GCH1: variants seen among roughly 807,000 people sequenced by gnomAD.
GCH1 encodes the protein GTP cyclohydrolase I.
Under a neutral mutation model 25.9 loss-of-function variants are expected in GCH1, and 5 were observed. That is an observed-to-expected ratio of 0.19 (90% CI 0.10 to 0.41). GCH1 has a LOEUF of 0.41. GCH1 is among the 10% of genes least tolerant of loss of function. The pLI is 1.00. For missense variants in GCH1, 261 were observed against 336.5 expected (o/e 0.78, Z 1.75); for synonymous variants, 159 against 129.6 (o/e 1.23, Z -1.54).
rs1267339245 is a variant in GCH1, at chr14:54,901,256, T to C, written c.343+1065A>G. On this transcript the variant is annotated intron_variant, in intron 1 of 5. Transcript: ENST00000491895. The stretch of plus-strand genomic sequence containing the variant: ...GCACTGTTTTTCTTTCAAAAAACAG[T>C]GAACGGTAGAATGCTTCTTAGGGCA... Among the ~76,000 whole-genome samples the C allele has an allele frequency of 2.6e-5, 4 of 152,140 alleles. No individual in the cohort carries two copies. The East Asian group carries it at 7.7e-4, about 29-fold the overall frequency.
intron 3 of GCH1, among the ~76,000 whole-genome samples, chr14:54,858,260 T>C (rs1253139477): frequency 1.3e-5 from 2 of 152,096 alleles, no homozygotes; most frequent in African/African-American, 2.4e-5. Flanking sequence ...AGTCAACTGG[T>C]CACAGAGACT....
chr14:54,891,496 G>A (rs555619287), intron 1 of GCH1, among the ~76,000 whole-genome samples: 2 of 143,130 alleles, frequency 1.4e-5, no homozygotes, highest in South Asian at 2.3e-4. Context: ...TGCAACCTCC[G>A]CCTCCCGGGT....
Position 54,843,117 on chromosome 14 carries a change from A to G in GCH1, c.*900T>C. ...ACTTAGAAAAATATCTTATAAGATT[A>G]AAAAAAAGAAGAAGAAGAAACATTT... On this transcript the variant is annotated 3_prime_UTR_variant, in exon 6 of 6. Transcript: ENST00000491895. 1 of 1,463,728 alleles carries G rather than the reference A, an allele frequency of 6.8e-7. No homozygotes were observed. The highest frequency in any genetic ancestry group is 1.2e-5 in the South Asian group (1 of 80,532). The allele number at this position is 1,463,728 out of a possible 1,614,324, so 90.7% of individuals were successfully genotyped here.
chr14:54,889,808 T>C (rs902498763), intron 1 of GCH1, among the ~76,000 whole-genome samples: 2 of 151,916 alleles, frequency 1.3e-5, no homozygotes, highest in African/African-American at 2.4e-5. Context: ...TGAGACAGAG[T>C]GGTTTCTCAG....
intron 1 of GCH1, among the ~76,000 whole-genome samples, chr14:54,875,899 G>C (rs919051640): frequency 2.0e-5 from 3 of 152,176 alleles, no homozygotes; most frequent in Admixed American, 1.3e-4. Flanking sequence ...ACTGTTAGTG[G>C]GACTGTAAAC....
chr14:54,855,505 C>CAAAAAAAAAAAAAAAAAAA (rs764999718), intron 3 of GCH1, among the ~76,000 whole-genome samples: 13 of 36,418 alleles, frequency 3.6e-4, no homozygotes, highest in African/African-American at 1.9e-3. Flanking sequence ...GACCCTGTCT[C>CAAAAAAAAAAAAAAAAAAA]AAAAAAAAAA....
rs199836777 is a variant in GCH1 at position 54,845,812 on chromosome 14, C to T, written c.582G>A (p.Thr194=). Residue 194 remains threonine, a synonymous_variant, in exon 5 of 6, where the codon ACG becomes ACA. Coordinates refer to ENST00000491895, the MANE Select transcript of GCH1 (RefSeq NM_000161.3). ...RLTKQIAVAI[T]EALRPAGVGV... ...CGACTCCAGCAGGCCGCAAGGCTTCCGTGATTGCTACAGCAATTTGTTTTG... is the reference window on the plus strand; with the variant it reads ...CGACTCCAGCAGGCCGCAAGGCTTCTGTGATTGCTACAGCAATTTGTTTTG... 88 of 1,611,122 alleles carry T rather than the reference C, an allele frequency of 5.5e-5. No homozygotes were observed. The highest frequency in any genetic ancestry group is 3.0e-4 in the Admixed American group (18 of 60,024).
chr14:54,885,911 CA>C (rs1015405707), intron 1 of GCH1: 78 of 186,472 alleles, frequency 4.2e-4, no homozygotes, highest in South Asian at 1.3e-3. Flanking sequence ...ACAACAACAA[CA>C]AAAAAAAACG....
At chr14:54,866,740 C>T (rs929803257) in intron 1 of GCH1, among the ~76,000 whole-genome samples, 1 of 152,098 alleles carries the variant, frequency 6.6e-6, no homozygotes, top group African/African-American at 2.4e-5. Context: ...GAGACCAAGT[C>T]ATCACGTAAA....
chr14:54,865,301 C>T, intron 2 of GCH1, 26 bp downstream of exon 2: 1 of 1,095,708 alleles, frequency 9.1e-7, no homozygotes, highest in Non-Finnish European at 1.4e-6. Context: ...TTTTAAATTG[C>T]TGGGAAACAA....
In GCH1 at chr14:54,845,902, G is replaced by A. The variant is rs146366914; in HGVS notation, c.542-50C>T. ...TTTGAGAGTCTGACACAAACAGCTGGAAGCTTTTTCTGTCTCTAGAACATT... is the reference window on the plus strand; with the variant it reads ...TTTGAGAGTCTGACACAAACAGCTGAAAGCTTTTTCTGTCTCTAGAACATT... On this transcript the variant is annotated intron_variant, in intron 4 of 5. Coordinates refer to ENST00000491895, the MANE Select transcript of GCH1 (RefSeq NM_000161.3). The A allele has an allele frequency of 1.3e-4, 129 of 996,702 alleles. 1 individual carries two copies. Among genetic ancestry groups the A allele is most frequent in the Admixed American group, 1.2e-3 (69 of 59,266 alleles). 61.7% of individuals were successfully genotyped at this position (996,702 alleles called of 1,614,324 possible). A position where few individuals can be genotyped will look rare whatever the true frequency, so the allele number is the denominator to read the frequency against.
chr14:54,887,566 G>A (rs1427765789), intron 1 of GCH1, among the ~76,000 whole-genome samples: 2 of 152,208 alleles, frequency 1.3e-5, no homozygotes, highest in African/African-American at 4.8e-5. Flanking sequence ...TATGGACCTT[G>A]AGTGGATCCT....
In GCH1 at chr14:54,902,329, G is replaced by T. The variant is rs747691325; in HGVS notation, c.335C>A (p.Thr112Asn). 1 of 1,612,522 alleles carries T rather than the reference G, an allele frequency of 6.2e-7. No homozygotes were observed. The highest frequency in any genetic ancestry group is 1.3e-5 in the African/African-American group (1 of 75,036). ...CCCGCGGGCGCACTGACCTGAGATG[G>T]TCTCCTGGTAGCCCTTGGTGAAGAA... The part of the protein sequence containing the change: ...MQFFTKGYQE[T>N]ISDVLNDAIF... The change falls in exon 1 of 6, where the codon ACC (threonine) becomes AAC (asparagine). Residue 112 changes from threonine to asparagine, a missense_variant. Physicochemically the swap from Thr to Asn is moderately conservative, Grantham distance 65. This residue lies in a region of GCH1 where 130 missense variants were observed against 184.1 expected (regional missense o/e 0.71). Transcript: ENST00000491895.
intron 1 of GCH1, among the ~76,000 whole-genome samples, chr14:54,873,069 C>T (rs2040104624): frequency 6.6e-6 from 1 of 152,016 alleles, no homozygotes; most frequent in Admixed American, 6.5e-5. Flanking sequence ...AGCACCACAT[C>T]ACACTTATTC....
intron 2 of GCH1, among the ~76,000 whole-genome samples, chr14:54,861,717 G>T (rs2039899485): frequency 8.2e-6 from 1 of 121,678 alleles, no homozygotes; most frequent in Admixed American, 8.2e-5. Flanking sequence ...GAGCGAAACT[G>T]TCTCAAAAAA....
chr14:54,867,595 A>AAAAAAAAG (rs2040007130), intron 1 of GCH1, among the ~76,000 whole-genome samples: 1 of 148,864 alleles, frequency 6.7e-6, no homozygotes, highest in African/African-American at 2.5e-5. Context: ...GTCTCAAAAA[A>AAAAAAAAG]AAAAAAAAAA....
At chr14:54,862,928 T>C (rs1415678488) in intron 2 of GCH1, among the ~76,000 whole-genome samples, 1 of 152,116 alleles carries the variant, frequency 6.6e-6, no homozygotes, top group Non-Finnish European at 1.5e-5. Context: ...GGGAGCACTA[T>C]TTTAGAACAA....
At chr14:54,898,939 T>G (rs946127383) in intron 1 of GCH1, among the ~76,000 whole-genome samples, 1 of 152,152 alleles carries the variant, frequency 6.6e-6, no homozygotes, top group African/African-American at 2.4e-5. Flanking sequence ...TTCTTAATTT[T>G]TAAATTTTGT....
chr14:54,853,512 C>T (rs763841542), intron 3 of GCH1, among the ~76,000 whole-genome samples: 8 of 152,100 alleles, frequency 5.3e-5, no homozygotes, highest in East Asian at 1.9e-4. Context: ...CATGCTTTCC[C>T]GAAAGTGTAA....
Sources: allele counts gnomAD v4.1 joint callset (sites outside exome capture counted in the v4.1 genomes callset), GRCh38; gene constraint gnomAD v4.1.1; regional missense constraint gnomAD v4.1.1; transcripts MANE v1.5; gene names NCBI Gene and HGNC (gene_info 2026-07-23, HGNC 2026-07-21).